Variants in RAB6D observed in about 807,000 individuals in gnomAD.
RAB6D encodes ras-related protein Rab-6D.
Under a neutral mutation model 17.5 loss-of-function variants are expected in RAB6D, and 11 were observed. The ratio of observed to expected loss-of-function variants is 0.63; its 90% CI spans 0.39 to 1.04. RAB6D has a LOEUF of 1.04. RAB6D is among the 50% of genes least tolerant of loss of function. RAB6D has a pLI of 0.00. For synonymous variants in RAB6D, 68 were observed against 122.6 expected (o/e 0.55, Z 2.94); for missense variants, 163 against 315.1 (o/e 0.52, Z 3.65).
At position 131,364,143 on chromosome 2, in the gene RAB6D, C is replaced by T. The variant is rs908297390; in HGVS notation, c.-423G>A. The T allele has an allele frequency of 3.6e-5, 2 of 55,608 alleles. No homozygotes were observed. Among genetic ancestry groups the T allele is most frequent in the Non-Finnish European group, 8.8e-5 (2 of 22,852 alleles). The allele number at this position is 55,608 out of a possible 1,614,324, so 3.4% of individuals were successfully genotyped here. On this transcript the variant is annotated 5_prime_UTR_variant, in exon 1 of 1. Transcript: ENST00000623617. ...CTTCCCCAGCCGCCGCCGCCGCAGC[C>T]CAACCTGCTGAGTGCGCGAGCCTCT...
chr2:131,361,353 AAGAG>A lies in RAB6D; in HGVS notation c.*1599_*1602del, dbSNP rs1190840072. ...AGTGGGAAGTGGAGGAGGAAGAGGA[AAGAG>A]AGGGGACTAAGGTTCTCCCAGTTTA... On this transcript the variant is annotated 3_prime_UTR_variant, in exon 1 of 1. Transcript: ENST00000623617. The A allele has an allele frequency of 6.0e-6, 1 of 167,082 alleles. No homozygotes were observed. The highest frequency in any genetic ancestry group is 1.5e-5 in the Non-Finnish European group (1 of 68,110). 10.3% of individuals were successfully genotyped at this position (167,082 alleles called of 1,614,324 possible).
Position 131,363,532 on chromosome 2 carries a change from C to T in RAB6D, c.189G>A (p.Gly63=), listed in dbSNP as rs1573802993. 6.3e-7 allele frequency: 1 copy of T among 1,596,290 alleles called. No individual in the cohort carries two copies. The highest frequency in any genetic ancestry group is 2.2e-5 in the East Asian group (1 of 44,504). The change falls in exon 1 of 1, where the codon GGG becomes GGA. Residue 63 remains glycine (G), a synonymous_variant. Coordinates refer to ENST00000623617, the MANE Select transcript of RAB6D (RefSeq NM_001077637.3). ...KTMYLEDGTI[G]LRLWDTAGQE... The stretch of plus-strand genomic sequence containing the variant: ...GACCCGCCGTATCCCACAGCCGAAG[C>T]CCGATTGTTCCATCCTCCAAGTACA...
At position 131,361,010 on chromosome 2, in the gene RAB6D, T is replaced by TA. The variant is rs1703418084; in HGVS notation, c.*1945dup. 6.0e-6 allele frequency: 1 copy of TA among 166,644 alleles called. No individual in the cohort carries two copies. The highest frequency in any genetic ancestry group is 6.5e-5 in the Admixed American group (1 of 15,282). The allele number at this position is 166,644 out of a possible 1,614,324, so 10.3% of individuals were successfully genotyped here. A position where few individuals can be genotyped will look rare whatever the true frequency, so the allele number is the denominator to read the frequency against. On this transcript the variant is annotated 3_prime_UTR_variant, in exon 1 of 1. Transcript: ENST00000623617. Reference sequence around the variant, plus strand: ...AAAAGCAGTATAACTGCTTACTTTTTAAAAAATACATAAAAAGAATCAAAT... The same window carrying TA: ...AAAAGCAGTATAACTGCTTACTTTTTAAAAAAATACATAAAAAGAATCAAAT...
rs753410046 is a variant in RAB6D at position 131,361,763 on chromosome 2, ATTAG to A, written c.*1189_*1192del. On this transcript the variant is annotated 3_prime_UTR_variant, in exon 1 of 1. Transcript: ENST00000623617. ...CGTAGCTTAAATATAAAACTAAATC[ATTAG>A]TTAATTAAACTATACAGATCTCATA... 10 of 167,122 alleles carry A rather than the reference ATTAG, an allele frequency of 6.0e-5. No individual in the cohort carries two copies. The highest frequency in any genetic ancestry group is 1.9e-4 in the African/African-American group (8 of 41,468). The allele number at this position is 167,122 out of a possible 1,614,324, so 10.4% of individuals were successfully genotyped here.
Position 131,361,798 on chromosome 2 carries a change from G to A in RAB6D, c.*1158C>T, listed in dbSNP as rs745778215. 1.2e-5 allele frequency: 2 copies of A among 166,638 alleles called. No individual in the cohort carries two copies. Among genetic ancestry groups the A allele is most frequent in the Admixed American group, 6.6e-5 (1 of 15,236 alleles). 10.3% of individuals were successfully genotyped at this position (166,638 alleles called of 1,614,324 possible). On this transcript the variant is annotated 3_prime_UTR_variant, in exon 1 of 1. Coordinates refer to ENST00000623617, the MANE Select transcript of RAB6D (RefSeq NM_001077637.3). ...TAAACTATACAGATCTCATACAAAC[G>A]AAAACCAGCCTGAAAGACCCAACCT...
At position 131,361,290 on chromosome 2, in the gene RAB6D, T is replaced by C. The variant is rs1573801653; in HGVS notation, c.*1666A>G. On this transcript the variant is annotated 3_prime_UTR_variant, in exon 1 of 1. Transcript: ENST00000623617. ...GTAAGCATTTCTCTATTCAGATCCA[T>C]AATCCAAGTGCTCTCTGAATATTAC... is the stretch of plus-strand genomic sequence containing the variant. 1 of 167,080 alleles carries C rather than the reference T, an allele frequency of 6.0e-6. No homozygotes were observed. The highest frequency in any genetic ancestry group is 1.9e-4 in the East Asian group (1 of 5,200). The allele number at this position is 167,080 out of a possible 1,614,324, so 10.3% of individuals were successfully genotyped here. A position where few individuals can be genotyped will look rare whatever the true frequency, so the allele number is the denominator to read the frequency against.
Position 131,362,061 on chromosome 2 carries a change from GT to G in RAB6D, c.*894del, listed in dbSNP as rs1010054361. On this transcript the variant is annotated 3_prime_UTR_variant, in exon 1 of 1. Transcript: ENST00000623617. The stretch of plus-strand genomic sequence containing the variant: ...TATCGTTATTTCTGCTAATTCAGTA[GT>G]TTTGATCGTAGTGCCAAATTTAAAT... 5 of 166,984 alleles carry G rather than the reference GT, an allele frequency of 3.0e-5. No homozygotes were observed. Among genetic ancestry groups the G allele is most frequent in the Non-Finnish European group, 7.3e-5 (5 of 68,108 alleles). The allele number at this position is 166,984 out of a possible 1,614,324, so 10.3% of individuals were successfully genotyped here.
chr2:131,360,801 G>T lies in RAB6D; in HGVS notation c.*2155C>A, dbSNP rs1453695524. On this transcript the variant is annotated 3_prime_UTR_variant, in exon 1 of 1. Coordinates refer to ENST00000623617, the MANE Select transcript of RAB6D (RefSeq NM_001077637.3). The stretch of plus-strand genomic sequence containing the variant: ...GTGTGGATGTAAATGGCAGTAAAAG[G>T]TAAAAAGGGAAGGTGGTAAAAAGGG... Among the ~76,000 whole-genome samples the T allele has an allele frequency of 6.6e-6, 1 of 152,068 alleles. No homozygotes were observed. Among genetic ancestry groups the T allele is most frequent in the African/African-American group, 2.4e-5 (1 of 41,418 alleles).
In RAB6D at chr2:131,363,849, T is replaced by C; in HGVS notation, c.-129A>G. ...CTCTCTGCGCCCCTGCAAGGGCCGG[T>C]GGAGGAGCCCGGCTGGAGGGCAGCA... On this transcript the variant is annotated 5_prime_UTR_variant, in exon 1 of 1. Coordinates refer to ENST00000623617, the MANE Select transcript of RAB6D (RefSeq NM_001077637.3). 1.6e-6 allele frequency: 2 copies of C among 1,258,904 alleles called. No homozygotes were observed. Among genetic ancestry groups the C allele is most frequent in the Non-Finnish European group, 2.2e-6 (2 of 918,994 alleles). 78.0% of individuals were successfully genotyped at this position (1,258,904 alleles called of 1,614,324 possible). A position where few individuals can be genotyped will look rare whatever the true frequency, so the allele number is the denominator to read the frequency against.
In RAB6D at chr2:131,363,474, T is replaced by G; in HGVS notation, c.247A>C (p.Ile83Leu). ...ACTACAGCTGCAGCAGAATCACGGATGTACCTGGGAATGAGGCTACGGAGA... is the reference window on the plus strand; with the variant it reads ...ACTACAGCTGCAGCAGAATCACGGAGGTACCTGGGAATGAGGCTACGGAGA... ...ERLRSLIPRY[I>L]RDSAAAVVVY... Residue 83 changes from isoleucine (I) to leucine (L), a missense_variant, in exon 1 of 1, where the codon ATC becomes CTC. Transcript: ENST00000623617. The G allele has an allele frequency of 1.2e-6, 2 of 1,607,696 alleles. No homozygotes were observed. The highest frequency in any genetic ancestry group is 4.5e-5 in the East Asian group (2 of 44,602).
At position 131,363,983 on chromosome 2, in the gene RAB6D, G is replaced by C; in HGVS notation, c.-263C>G. Reference sequence around the variant, plus strand: ...GAGGGCGGTGTCGGCAGGAGCCAGGGGTGTGCTTTGGCTTCCCAAGGCTAG... The same window carrying C: ...GAGGGCGGTGTCGGCAGGAGCCAGGCGTGTGCTTTGGCTTCCCAAGGCTAG... On this transcript the variant is annotated 5_prime_UTR_variant, in exon 1 of 1. Coordinates refer to ENST00000623617, the MANE Select transcript of RAB6D (RefSeq NM_001077637.3). The C allele has an allele frequency of 1.6e-6, 1 of 607,604 alleles. No individual in the cohort carries two copies. Among genetic ancestry groups the C allele is most frequent in the Admixed American group, 3.0e-5 (1 of 33,524 alleles). 37.6% of individuals were successfully genotyped at this position (607,604 alleles called of 1,614,324 possible).
chr2:131,363,895 G>C lies in RAB6D; in HGVS notation c.-175C>G, dbSNP rs1194721010. On this transcript the variant is annotated 5_prime_UTR_variant, in exon 1 of 1. Transcript: ENST00000623617. ...CAGCAGGACTCTCCACAGACTGGCA[G>C]CCGCCGCCGCCTCCCGGCAGAGTAG... 6.2e-6 allele frequency: 7 copies of C among 1,129,586 alleles called. No homozygotes were observed. Among genetic ancestry groups the C allele is most frequent in the Admixed American group, 5.8e-5 (2 of 34,610 alleles). 70.0% of individuals were successfully genotyped at this position (1,129,586 alleles called of 1,614,324 possible).
rs747417336 is a variant in RAB6D at position 131,363,039 on chromosome 2, A to G, written c.682T>C (p.Cys228Arg). Residue 228 changes from cysteine (C) to arginine (R), a missense_variant, in exon 1 of 1, where the codon TGC (cysteine) becomes CGC (arginine). By Grantham distance (180) the Cys-to-Arg change is radical (BLOSUM62 -3). This residue lies in a region of RAB6D where 144 missense variants were observed against 244.4 expected (regional missense o/e 0.59). Coordinates refer to ENST00000623617, the MANE Select transcript of RAB6D (RefSeq NM_001077637.3). The part of the protein sequence containing the change: ...PQKPPYSFID[C>R]SVNIGLNLFP... ...AGGTTCAAGCCAATATTCACACTGC[A>G]GTCAATGAAAGAGTAAGGGGGCTTC... 1 of 1,593,314 alleles carries G rather than the reference A, an allele frequency of 6.3e-7. No individual in the cohort carries two copies. Among genetic ancestry groups the G allele is most frequent in the South Asian group, 1.1e-5 (1 of 87,856 alleles).
Position 131,361,670 on chromosome 2 carries a change from G to A in RAB6D, c.*1286C>T, listed in dbSNP as rs1243103722. 6.3e-6 allele frequency: 1 copy of A among 159,416 alleles called. No individual in the cohort carries two copies. Among genetic ancestry groups the A allele is most frequent in the African/African-American group, 2.5e-5 (1 of 40,084 alleles). The allele number at this position is 159,416 out of a possible 1,614,324, so 9.9% of individuals were successfully genotyped here. On this transcript the variant is annotated 3_prime_UTR_variant, in exon 1 of 1. Transcript: ENST00000623617. ...TGGTGAAGCTCTAAATAGATTCAAC[G>A]AAACATCTAAAAATTGAAAGTTGTT...
At position 131,362,489 on chromosome 2, in the gene RAB6D, C is replaced by G. The variant is rs1292485973; in HGVS notation, c.*467G>C. On this transcript the variant is annotated 3_prime_UTR_variant, in exon 1 of 1. Transcript: ENST00000623617. The stretch of plus-strand genomic sequence containing the variant: ...TCATTCAAGCACTGCCTACCGTGAT[C>G]GCTGAATTCTGACCTCAAAGAGGAT... The G allele has an allele frequency of 1.1e-5, 2 of 187,112 alleles. No homozygotes were observed. Among genetic ancestry groups the G allele is most frequent in the East Asian group, 3.2e-4 (2 of 6,232 alleles). 11.6% of individuals were successfully genotyped at this position (187,112 alleles called of 1,614,324 possible). A position where few individuals can be genotyped will look rare whatever the true frequency, so the allele number is the denominator to read the frequency against.
chr2:131,364,047 G>A lies in RAB6D; in HGVS notation c.-327C>T. 1 of 377,790 alleles carries A rather than the reference G, an allele frequency of 2.6e-6. No homozygotes were observed. The highest frequency in any genetic ancestry group is 5.0e-6 in the Non-Finnish European group (1 of 199,396). The allele number at this position is 377,790 out of a possible 1,614,324, so 23.4% of individuals were successfully genotyped here. A position where few individuals can be genotyped will look rare whatever the true frequency, so the allele number is the denominator to read the frequency against. ...TTCCTCACCCGGCTCCAAGACCTGC[G>A]GGAGAAAGGCGGAGGGTGGCGGAGC... On this transcript the variant is annotated 5_prime_UTR_variant, in exon 1 of 1. Coordinates refer to ENST00000623617, the MANE Select transcript of RAB6D (RefSeq NM_001077637.3).
At position 131,363,118 on chromosome 2, in the gene RAB6D, G is replaced by C; in HGVS notation, c.603C>G (p.Val201=). 4 of 1,606,732 alleles carry C rather than the reference G, an allele frequency of 2.5e-6. No individual in the cohort carries two copies. Among genetic ancestry groups the C allele is most frequent in the Non-Finnish European group, 3.4e-6 (4 of 1,175,256 alleles). ...IKLEKPQEQT[V]SEGGCSCYSP... is the part of the protein sequence containing the mutation. ...AGTAGCAGGAACAACCCCCTTCGCT[G>C]ACTGTTTGCTCCTGAGGCTTTTCCA... is the stretch of plus-strand genomic sequence containing the variant. The change falls in exon 1 of 1, where the codon GTC becomes GTG. Residue 201 remains valine, a synonymous_variant. Coordinates refer to ENST00000623617, the MANE Select transcript of RAB6D (RefSeq NM_001077637.3).
rs184719040 is a variant in RAB6D at position 131,360,945 on chromosome 2, T to C, written c.*2011A>G. 9.5e-4 allele frequency among the ~76,000 whole-genome samples: 145 copies of C among 152,318 alleles called. No individual in the cohort carries two copies. Among genetic ancestry groups the C allele is most frequent in the African/African-American group, 3.4e-3 (142 of 41,570 alleles). On this transcript the variant is annotated 3_prime_UTR_variant, in exon 1 of 1. Transcript: ENST00000623617. The stretch of plus-strand genomic sequence containing the variant: ...TGGACTATGAACACACTTCACTGCT[T>C]TGAAGAACTCCAAGCCAAATAAAAA...
In RAB6D at chr2:131,362,267, G is replaced by T. The variant is rs1472728147; in HGVS notation, c.*689C>A. ...CTTGGGAGAAATAGTTCATTAGAAC[G>T]TCATTATCTTACCATGAAGAATTAA... On this transcript the variant is annotated 3_prime_UTR_variant, in exon 1 of 1. Transcript: ENST00000623617. 4 of 167,052 alleles carry T rather than the reference G, an allele frequency of 2.4e-5. No individual in the cohort carries two copies. The highest frequency in any genetic ancestry group is 1.9e-4 in the East Asian group (1 of 5,206). 10.3% of individuals were successfully genotyped at this position (167,052 alleles called of 1,614,324 possible).
Sources: allele counts gnomAD v4.1 joint callset (sites outside exome capture counted in the v4.1 genomes callset), GRCh38; gene constraint gnomAD v4.1.1; regional missense constraint gnomAD v4.1.1; transcripts MANE v1.5; gene names NCBI Gene and HGNC (gene_info 2026-07-23, HGNC 2026-07-21).